STXBP2: variants seen among roughly 807,000 people sequenced by gnomAD.
STXBP2 encodes syntaxin-binding protein 2.
STXBP2 carries 47 observed loss-of-function variants against 72.2 expected under a neutral mutation model. That is an observed-to-expected ratio of 0.65 (90% CI 0.51 to 0.83). The LOEUF is 0.83. Ranked by LOEUF, STXBP2 falls within the 40% of genes least tolerant of loss-of-function variation. The probability of loss-of-function intolerance (pLI) is 0.00; values close to 1 mark genes in which losing one functional copy is unlikely to be tolerated. For missense variants in STXBP2, 702 were observed against 807.6 expected, an observed-to-expected ratio of 0.87 and a Z score of 1.58; for synonymous variants, 367 against 338.7, an observed-to-expected ratio of 1.08 and a Z score of -0.92.
chr19:7,644,929 A>T, intron 14 of STXBP2, 177 bp downstream of exon 14: 4 of 1,462,172 alleles, frequency 2.7e-6, no homozygotes, highest in African/African-American at 2.8e-5. Context: ...GGATTCCTCC[A>T]CTGAGGTGAG....
intron 4 of STXBP2, chr19:7,640,223 T>A (rs1369614966): frequency 1.9e-6 from 1 of 539,132 alleles, no homozygotes; most frequent in African/African-American, 2.1e-5. Context: ...TGTCTGCGTC[T>A]GTGTGTGCGT....
At position 7,642,722 on chromosome 19, in the gene STXBP2, G is replaced by T. The variant is rs200290956; in HGVS notation, c.903-44G>T. On this transcript the variant is annotated intron_variant, in intron 10 of 18. Transcript: ENST00000221283. The surrounding 1 kb of genome is among the most constrained non-coding windows in gnomAD (Gnocchi z 6.0). ...TGAGTGGGCTCACCCATGGCCTGTG[G>T]CTCCTCTCCCCTCACTCTCACCCCC... 5.2e-5 allele frequency: 83 copies of T among 1,605,912 alleles called. No homozygotes were observed. The East Asian group carries it at 9.2e-4, about 18-fold the overall frequency.
chr19:7,647,640 G>A, intron 18 of STXBP2, 85 bp from the exon 19 acceptor site: 1 of 1,598,946 alleles, frequency 6.3e-7, no homozygotes, highest in Non-Finnish European at 8.6e-7. Flanking sequence ...GACAGGGACA[G>A]CCCCACACCA....
At chr19:7,636,445 A>G (rs1446347625), upstream of STXBP2, 1 of 152,204 alleles carries the variant, frequency 6.6e-6, no homozygotes, top group East Asian at 1.9e-4. Flanking sequence ...TTGTTGGTCC[A>G]CGAGGGTAAG....
At chr19:7,640,628 C>G (rs753482868) in intron 4 of STXBP2, 103 bp from the exon 5 acceptor site, 2 of 1,468,234 alleles carry the variant, frequency 1.4e-6, no homozygotes, top group Non-Finnish European at 9.5e-7. Context: ...CCCGTCCGTC[C>G]ATGTTTGCAC....
upstream of STXBP2, chr19:7,636,872 GC>G (rs1217146800): frequency 2.7e-6 from 1 of 372,526 alleles, no homozygotes; most frequent in African/African-American, 2.2e-5. Flanking sequence ...TGCTTCGCAC[GC>G]AAGCCAGGAA....
chr19:7,633,255 C>A (rs560549545), upstream of STXBP2: 75 of 861,942 alleles, frequency 8.7e-5, 3 homozygotes, highest in South Asian at 1.3e-3. Context: ...GCACTCAGAC[C>A]CCCAAGCCCA....
intron 13 of STXBP2, 83 bp downstream of exon 13, chr19:7,643,328 G>T: frequency 2.3e-6 from 3 of 1,329,068 alleles, no homozygotes; most frequent in African/African-American, 1.5e-5. Flanking sequence ...AGAGATGGGG[G>T]GTTCTGGGGG....
chr19:7,647,093 G>C (rs953187797), intron 16 of STXBP2, 69 bp from the exon 17 acceptor site: 2 of 1,544,078 alleles, frequency 1.3e-6, no homozygotes, highest in South Asian at 2.2e-5. Context: ...TGAATACCCC[G>C]TGGGGGGCAC....
chr19:7,631,768 G>A, the STXBP2 span: 1 of 1,422,056 alleles, frequency 7.0e-7, no homozygotes, highest in African/African-American at 1.5e-5. Context: ...GGTGAGCAGG[G>A]GTTGGGGACT....
the STXBP2 span, chr19:7,631,238 G>T: frequency 7.1e-7 from 1 of 1,410,028 alleles, no homozygotes; most frequent in African/African-American, 1.4e-5. Context: ...TCAGCCATGA[G>T]TAAGGAACCG....
intron 15 of STXBP2, among the ~76,000 whole-genome samples, chr19:7,645,604 C>G (rs932745630): frequency 9.0e-6 from 1 of 111,136 alleles, no homozygotes; most frequent in African/African-American, 3.7e-5. Flanking sequence ...GGAGTAGGGT[C>G]CCCAGCATGG....
the STXBP2 span, chr19:7,631,695 G>C: frequency 1.1e-5 from 16 of 1,455,198 alleles, no homozygotes; most frequent in African/African-American, 1.4e-5. Context: ...GCCCTCAGGG[G>C]GCTTGTGTCG....
the STXBP2 span, chr19:7,631,564 A>G: frequency 1.3e-6 from 2 of 1,534,026 alleles, no homozygotes; most frequent in Non-Finnish European, 1.7e-6. Flanking sequence ...TGAGGCCTCC[A>G]AGTGGGAGTC....
At chr19:7,630,784 G>T in the STXBP2 span, 47 of 1,537,132 alleles carry the variant, frequency 3.1e-5, no homozygotes, top group Non-Finnish European at 4.0e-5. Flanking sequence ...GGCTCTGGAG[G>T]CCTTTGGCTC....
intron 4 of STXBP2, 64 bp from the exon 5 acceptor site, chr19:7,640,667 G>A: frequency 6.2e-7 from 1 of 1,602,616 alleles, no homozygotes; most frequent in Non-Finnish European, 8.5e-7. Context: ...TGGCTGGGAG[G>A]CCTAGGCAGC....
Position 7,645,265 on chromosome 19 carries a change from C to T in STXBP2, c.1315C>T (p.Arg439Cys), listed in dbSNP as rs2032086908. Residue 439 changes from arginine to cysteine, a missense_variant, in exon 15 of 19, where the codon CGT becomes TGT. Physicochemically the swap from Arg to Cys is radical, Grantham distance 180. Transcript: ENST00000221283. ...TGTACAGGCGCACAGCAGCCTCATC[C>T]GTAACCTGGAGCAGCTGGGAGGCAC... ...ANVQAHSSLI[R>C]NLEQLGGTVT... The T allele has an allele frequency of 4.4e-6, 7 of 1,586,974 alleles. No individual in the cohort carries two copies. The highest frequency in any genetic ancestry group is 6.0e-6 in the Non-Finnish European group (7 of 1,165,590).
Position 7,642,584 on chromosome 19 carries a change from C to T in STXBP2, c.902+48C>T. The T allele has an allele frequency of 1.3e-6, 2 of 1,597,860 alleles. No homozygotes were observed. Among genetic ancestry groups the T allele is most frequent in the Non-Finnish European group, 1.7e-6 (2 of 1,165,658 alleles). On this transcript the variant is annotated intron_variant, in intron 10 of 18. Transcript: ENST00000221283. The surrounding 1 kb of genome is among the most constrained non-coding windows in gnomAD (Gnocchi z 6.0). Reference sequence around the variant, plus strand: ...TCCCCCCCCCACCGCCCACTGTGGGCCTGGTAGCGGCCTTGGGATCCCTGG... The same window carrying T: ...TCCCCCCCCCACCGCCCACTGTGGGTCTGGTAGCGGCCTTGGGATCCCTGG...
intron 1 of STXBP2, 24 bp downstream of exon 1, chr19:7,637,210 C>T: frequency 8.1e-7 from 1 of 1,241,612 alleles, no homozygotes. Context: ...CGGGGCCGGG[C>T]TCTGGCGTCC....
Sources: allele counts gnomAD v4.1 joint callset (sites outside exome capture counted in the v4.1 genomes callset), GRCh38; gene constraint gnomAD v4.1.1; non-coding constraint Gnocchi (gnomAD v3.1); transcripts MANE v1.5; gene names NCBI Gene and HGNC (gene_info 2026-07-23, HGNC 2026-07-21).